Variants in LRTM2 observed in about 807,000 individuals in gnomAD.
LRTM2 encodes the protein leucine-rich repeat and transmembrane domain-containing protein 2.
A neutral mutation model predicts 28.1 loss-of-function variants in LRTM2; 18 were observed. The ratio of observed to expected loss-of-function variants is 0.64; its 90% CI spans 0.44 to 0.95. The LOEUF is 0.95. Ranked by LOEUF, LRTM2 falls within the 40% of genes least tolerant of loss-of-function variation. LRTM2 has a pLI of 0.00. For missense variants in LRTM2, 436 were observed against 497.2 expected (o/e 0.88, Z 1.17); for synonymous variants, 250 against 218.7 (o/e 1.14, Z -1.26).
Position 1,829,474 on chromosome 12 carries a change from G to A in LRTM2, c.67+1259G>A, listed in dbSNP as rs113800681. Among the ~76,000 whole-genome samples, 1,102 of 152,140 alleles carry A rather than the reference G, an allele frequency of 7.2e-3. 16 individuals carry two copies. The highest frequency in any genetic ancestry group is 0.025 in the African/African-American group (1,026 of 41,518). On this transcript the variant is annotated intron_variant, in intron 3 of 4. Transcript: ENST00000299194. This position sits in a 1 kb window ranked among gnomAD's most constrained non-coding sequence, Gnocchi z 4.2. Reference sequence around the variant, plus strand: ...CGGTGGCTTCCATGGCTGTACCTGTGCTCACTTCTCGCCAAGAACAGTGAG... The same window carrying A: ...CGGTGGCTTCCATGGCTGTACCTGTACTCACTTCTCGCCAAGAACAGTGAG...
At chr12:1,825,285 C>T (rs564766092) in intron 1 of LRTM2, among the ~76,000 whole-genome samples, 1 of 152,296 alleles carries the variant, frequency 6.6e-6, no homozygotes, top group South Asian at 2.1e-4. Context: ...CCAGGGGAGG[C>T]AGAAGCCTTA....
intron 4 of LRTM2, among the ~76,000 whole-genome samples, chr12:1,832,046 C>G (rs1407812669): frequency 1.3e-5 from 2 of 152,224 alleles, no homozygotes; most frequent in Admixed American, 1.3e-4. Flanking sequence ...AACTTCCTCT[C>G]CCAAGTTTTA....
Position 1,828,803 on chromosome 12 carries a change from G to A in LRTM2, c.67+588G>A, listed in dbSNP as rs375869432. ...CTCCTGCATATAGGCAGACTGAGCC[G>A]TCCATTTACCAAAAAGGGGAGGAAG... On this transcript the variant is annotated intron_variant, in intron 3 of 4. Coordinates refer to ENST00000299194, the MANE Select transcript of LRTM2 (RefSeq NM_001039029.3). This position sits in a 1 kb window ranked among gnomAD's most constrained non-coding sequence, Gnocchi z 4.2. 3.5e-4 allele frequency among the ~76,000 whole-genome samples: 54 copies of A among 152,162 alleles called. No homozygotes were observed. Among genetic ancestry groups the A allele is most frequent in the African/African-American group, 7.7e-4 (32 of 41,432 alleles).
rs1188278475 is a variant in LRTM2 at position 1,828,230 on chromosome 12, G to T, written c.67+15G>T. ...GCAAGTCTCCTGTGAGTACACCCCTGGCCTCGGAGGGGGGTGCGGGTTGGG... is the reference window on the plus strand; with the variant it reads ...GCAAGTCTCCTGTGAGTACACCCCTTGCCTCGGAGGGGGGTGCGGGTTGGG... On this transcript the variant is annotated intron_variant, in intron 3 of 4. Transcript: ENST00000299194. The surrounding 1 kb of genome is among the most constrained non-coding windows in gnomAD (Gnocchi z 4.2). The T allele has an allele frequency of 6.6e-7, 1 of 1,511,994 alleles. No homozygotes were observed. 93.7% of individuals were successfully genotyped at this position (1,511,994 alleles called of 1,614,324 possible).
At chr12:1,821,211 A>C (rs1056552184) in intron 1 of LRTM2, among the ~76,000 whole-genome samples, 1 of 152,012 alleles carries the variant, frequency 6.6e-6, no homozygotes, top group African/African-American at 2.4e-5. Flanking sequence ...GGGTCATGGG[A>C]AGCGGTTGGG....
chr12:1,836,241 C>G lies in LRTM2; in HGVS notation c.*1520C>G, dbSNP rs964104575. The G allele has an allele frequency of 1.3e-5, 2 of 152,632 alleles. No homozygotes were observed. Among genetic ancestry groups the G allele is most frequent in the Non-Finnish European group, 2.9e-5 (2 of 68,344 alleles). 9.5% of individuals were successfully genotyped at this position (152,632 alleles called of 1,614,324 possible). ...CCTGTCCCCCTCCCTAGCTCTGCCC[C>G]TCCTCAGAGTGTGAAGATGGTGGGT... On this transcript the variant is annotated 3_prime_UTR_variant, in exon 5 of 5. Transcript: ENST00000299194.
Position 1,831,015 on chromosome 12 carries a change from C to T in LRTM2, c.148C>T (p.Leu50=). 3.7e-6 allele frequency: 6 copies of T among 1,614,150 alleles called. No individual in the cohort carries two copies. The highest frequency in any genetic ancestry group is 5.1e-6 in the Non-Finnish European group (6 of 1,180,040). Residue 50 remains leucine, a synonymous_variant, in exon 4 of 5, where the codon CTG becomes TTG. Coordinates refer to ENST00000299194, the MANE Select transcript of LRTM2 (RefSeq NM_001039029.3). ...PFSCKCDSRS[L]EVDCSGLGLT... The stretch of plus-strand genomic sequence containing the variant: ...CTCCTGCAAGTGTGACAGCCGCAGC[C>T]TGGAGGTGGACTGCAGTGGCCTTGG...
intron 1 of LRTM2, among the ~76,000 whole-genome samples, chr12:1,825,714 G>T (rs1864286139): frequency 6.6e-6 from 1 of 152,206 alleles, no homozygotes; most frequent in South Asian, 2.1e-4. Flanking sequence ...GCACAGGTCT[G>T]GGAGGCCTGT....
In LRTM2 at chr12:1,828,228, CT is replaced by C. The variant is rs1236770308; in HGVS notation, c.67+14del. ...AGGCAAGTCTCCTGTGAGTACACCCCTGGCCTCGGAGGGGGGTGCGGGTTGG... is the reference window on the plus strand; with the variant it reads ...AGGCAAGTCTCCTGTGAGTACACCCCGGCCTCGGAGGGGGGTGCGGGTTGG... On this transcript the variant is annotated intron_variant, in intron 3 of 4. Transcript: ENST00000299194. The surrounding 1 kb of genome is among the most constrained non-coding windows in gnomAD (Gnocchi z 4.2). 15 of 1,537,160 alleles carry C rather than the reference CT, an allele frequency of 9.8e-6. No homozygotes were observed. The highest frequency in any genetic ancestry group is 1.4e-5 in the African/African-American group (1 of 70,768).
rs76291256 is a variant in LRTM2, at chr12:1,829,978, T to C, written c.68-957T>C. 2.6e-3 allele frequency among the ~76,000 whole-genome samples: 397 copies of C among 152,340 alleles called. 4 individuals carry two copies. The highest frequency in any genetic ancestry group is 9.3e-3 in the African/African-American group (385 of 41,582). Reference sequence around the variant, plus strand: ...TGCATAATGGAAGGCACTGCTCTGATGTGATTGTTCCCTGAGGGTTACTTC... The same window carrying C: ...TGCATAATGGAAGGCACTGCTCTGACGTGATTGTTCCCTGAGGGTTACTTC... On this transcript the variant is annotated intron_variant, in intron 3 of 4. Transcript: ENST00000299194. The surrounding 1 kb of genome is among the most constrained non-coding windows in gnomAD (Gnocchi z 4.2).
rs1027774449 is a variant in LRTM2 at position 1,833,588 on chromosome 12, C to A, written c.659-679C>A. ...CCCCCTCCAGATGCCTTTGTACTTA[C>A]AGGGCTGTGGTTGGGGCACCGATGG... On this transcript the variant is annotated intron_variant, in intron 4 of 4. Coordinates refer to ENST00000299194, the MANE Select transcript of LRTM2 (RefSeq NM_001039029.3). This position sits in a 1 kb window ranked among gnomAD's most constrained non-coding sequence, Gnocchi z 4.2. Among the ~76,000 whole-genome samples the A allele has an allele frequency of 1.3e-5, 2 of 152,190 alleles. No homozygotes were observed. Among genetic ancestry groups the A allele is most frequent in the Admixed American group, 1.3e-4 (2 of 15,282 alleles).
At chr12:1,825,251 G>C (rs10848580) in intron 1 of LRTM2, among the ~76,000 whole-genome samples, 110,581 of 151,610 alleles carry the variant, frequency 0.73, 40,458 homozygotes, top group East Asian at 0.81. Flanking sequence ...AGAGGGTGAG[G>C]TGGGATGCAA....
intron 2 of LRTM2, 129 bp from the exon 3 acceptor site, chr12:1,827,947 G>A (rs1864420433): frequency 7.2e-6 from 3 of 419,086 alleles, no homozygotes; most frequent in Non-Finnish European, 1.2e-5. Context: ...CCCCACCCAG[G>A]GAATCATAAC....
rs760361168 is a variant in LRTM2, at chr12:1,834,316, G to A, written c.708G>A (p.Gly236=). The change falls in exon 5 of 5, where the codon GGG becomes GGA. Residue 236 remains glycine, a synonymous_variant. Transcript: ENST00000299194. The surrounding 1 kb of genome is among the most constrained non-coding windows in gnomAD (Gnocchi z 7.6). The part of the protein sequence containing the change: ...LACTLPKELR[G]KDMRMVPMEM... ...GCACCCTGCCCAAGGAGCTGAGGGG[G>A]AAGGACATGCGGATGGTCCCCATGG... is the stretch of plus-strand genomic sequence containing the variant. The A allele has an allele frequency of 6.2e-7, 1 of 1,608,720 alleles. No individual in the cohort carries two copies. The highest frequency in any genetic ancestry group is 1.7e-5 in the Admixed American group (1 of 59,772).
At position 1,829,064 on chromosome 12, in the gene LRTM2, A is replaced by G. The variant is rs991863516; in HGVS notation, c.67+849A>G. Among the ~76,000 whole-genome samples, 7 of 152,232 alleles carry G rather than the reference A, an allele frequency of 4.6e-5. No homozygotes were observed. Among genetic ancestry groups the G allele is most frequent in the African/African-American group, 1.7e-4 (7 of 41,464 alleles). On this transcript the variant is annotated intron_variant, in intron 3 of 4. Coordinates refer to ENST00000299194, the MANE Select transcript of LRTM2 (RefSeq NM_001039029.3). The surrounding 1 kb of genome is among the most constrained non-coding windows in gnomAD (Gnocchi z 4.2). ...AGAGAGGCTGGCCCCTGAGTGACTC[A>G]GATCTCCTTTCAGCCTCATTCTAGA...
At position 1,834,406 on chromosome 12, in the gene LRTM2, G is replaced by A; in HGVS notation, c.798G>A (p.Gly266=). The change falls in exon 5 of 5, where the codon GGG becomes GGA. Residue 266 remains glycine, a synonymous_variant. Transcript: ENST00000299194. The surrounding 1 kb of genome is among the most constrained non-coding windows in gnomAD (Gnocchi z 7.6). ...ENSSAGLDIP[G]PPCTKASPEP... ...GCTCAGCTGGGCTGGATATTCCTGG[G>A]CCACCCTGCACCAAGGCCAGTCCAG... The A allele has an allele frequency of 1.2e-6, 2 of 1,613,034 alleles. No homozygotes were observed. Among genetic ancestry groups the A allele is most frequent in the South Asian group, 2.2e-5 (2 of 91,078 alleles).
chr12:1,827,943 C>G lies in LRTM2; in HGVS notation c.-73-133C>G, dbSNP rs1864420067. 5 of 418,808 alleles carry G rather than the reference C, an allele frequency of 1.2e-5. No individual in the cohort carries two copies. In the South Asian group the frequency reaches 2.6e-4, roughly 22 times the overall value. 25.9% of individuals were successfully genotyped at this position (418,808 alleles called of 1,614,324 possible). On this transcript the variant is annotated intron_variant, in intron 2 of 4. Transcript: ENST00000299194. ...TTCCTGGCTCCTCTTCTTCCCCCAC[C>G]CAGGGAATCATAACTGAGAGGAACA...
rs1477253879 is a variant in LRTM2, at chr12:1,821,000, C to T, written c.-259+186C>T. 6.6e-6 allele frequency among the ~76,000 whole-genome samples: 1 copy of T among 152,222 alleles called. No homozygotes were observed. The highest frequency in any genetic ancestry group is 2.4e-5 in the African/African-American group (1 of 41,450). ...CAGGCACCTGAGCATCCCAAAGGTGCACGACACTGGGAACTCTGAGCCCAC... is the reference window on the plus strand; with the variant it reads ...CAGGCACCTGAGCATCCCAAAGGTGTACGACACTGGGAACTCTGAGCCCAC... On this transcript the variant is annotated intron_variant, in intron 1 of 4. Coordinates refer to ENST00000299194, the MANE Select transcript of LRTM2 (RefSeq NM_001039029.3). This position sits in a 1 kb window ranked among gnomAD's most constrained non-coding sequence, Gnocchi z 6.0.
In LRTM2 at chr12:1,828,040, G is replaced by A. The variant is rs191415184; in HGVS notation, c.-73-36G>A. 117 of 1,064,294 alleles carry A rather than the reference G, an allele frequency of 1.1e-4. 1 individual carries two copies. The highest frequency in any genetic ancestry group is 2.9e-4 in the African/African-American group (18 of 61,086). 65.9% of individuals were successfully genotyped at this position (1,064,294 alleles called of 1,614,324 possible). The stretch of plus-strand genomic sequence containing the variant: ...ACCCCTGGGCTGGAACGGGGCTCCC[G>A]CGCCTGCCTGTGCTCAGTGCTCCTC... On this transcript the variant is annotated intron_variant, in intron 2 of 4. Transcript: ENST00000299194. The surrounding 1 kb of genome is among the most constrained non-coding windows in gnomAD (Gnocchi z 4.2).
Sources: gnomAD v4.1 joint callset for allele counts (sites outside exome capture counted in the v4.1 genomes callset) on GRCh38, gnomAD v4.1.1 for gene constraint, Gnocchi (gnomAD v3.1) non-coding constraint, MANE v1.5 for transcripts, NCBI Gene and HGNC (gene_info 2026-07-23, HGNC 2026-07-21) for gene names.